The following DRC11 variants were observed in gnomAD, a reference collection of about 807,000 sequenced individuals.
DRC11 encodes IQ and AAA domain-containing protein 1.
the DRC11 span, among the ~76,000 whole-genome samples, chr2:236,364,333 G>A: frequency 4.9e-4 from 67 of 137,586 alleles, 2 homozygotes; most frequent in South Asian, 0.014. Context: ...TCTGCTTGTC[G>A]GCAGCAGCAT....
chr2:236,420,422 A>C, the DRC11 span, among the ~76,000 whole-genome samples: 51 of 152,360 alleles, frequency 3.3e-4, no homozygotes, highest in African/African-American at 1.1e-3. This position sits in a 1 kb window ranked among gnomAD's most constrained non-coding sequence, Gnocchi z 4.8. Flanking sequence ...ATGTAGTCCA[A>C]GTACAAAGGA....
chr2:236,309,803 C>A, the DRC11 span, among the ~76,000 whole-genome samples: 1 of 152,178 alleles, frequency 6.6e-6, no homozygotes, highest in Non-Finnish European at 1.5e-5. The surrounding 1 kb of genome is among the most constrained non-coding windows in gnomAD (Gnocchi z 5.7). Context: ...GGCAGGTGCC[C>A]GACGGTCCAC....
the DRC11 span, among the ~76,000 whole-genome samples, chr2:236,350,601 T>C: frequency 6.6e-6 from 1 of 152,300 alleles, no homozygotes; most frequent in South Asian, 2.1e-4. This position sits in a 1 kb window ranked among gnomAD's most constrained non-coding sequence, Gnocchi z 5.2. Context: ...GGATGAGTCA[T>C]GTGCTGGCTC....
At chr2:236,465,024 C>T in the DRC11 span, among the ~76,000 whole-genome samples, 1 of 152,136 alleles carries the variant, frequency 6.6e-6, no homozygotes, top group African/African-American at 2.4e-5. The surrounding 1 kb of genome is among the most constrained non-coding windows in gnomAD (Gnocchi z 6.2). Context: ...TATCCAGCCT[C>T]AGATATTTCT....
chr2:236,358,254 C>G, the DRC11 span, among the ~76,000 whole-genome samples: 3 of 126,236 alleles, frequency 2.4e-5, no homozygotes, highest in Non-Finnish European at 4.7e-5. Flanking sequence ...TAGATGTATA[C>G]TATATGAATA....
chr2:236,345,292 T>G, the DRC11 span, among the ~76,000 whole-genome samples: 1 of 152,116 alleles, frequency 6.6e-6, no homozygotes, highest in East Asian at 1.9e-4. Flanking sequence ...CCACGTCCCT[T>G]CCTTCACAGC....
At chr2:236,452,993 C>T in the DRC11 span, among the ~76,000 whole-genome samples, 2 of 152,168 alleles carry the variant, frequency 1.3e-5, no homozygotes, top group African/African-American at 4.8e-5. This position sits in a 1 kb window ranked among gnomAD's most constrained non-coding sequence, Gnocchi z 4.7. Flanking sequence ...AATGAATACC[C>T]AGAGAAGAAG....
chr2:236,499,626 C>T, the DRC11 span, among the ~76,000 whole-genome samples: 1 of 152,162 alleles, frequency 6.6e-6, no homozygotes, highest in Non-Finnish European at 1.5e-5. This position sits in a 1 kb window ranked among gnomAD's most constrained non-coding sequence, Gnocchi z 4.7. Context: ...ATGGGGGTTT[C>T]ACCACACTGG....
chr2:236,416,421 GC>G, the DRC11 span, among the ~76,000 whole-genome samples: 1 of 152,032 alleles, frequency 6.6e-6, no homozygotes, highest in South Asian at 2.1e-4. Context: ...GTGCTTGAGT[GC>G]CTTGGTCCTG....
At chr2:236,410,300 C>A in the DRC11 span, among the ~76,000 whole-genome samples, 1 of 151,800 alleles carries the variant, frequency 6.6e-6, no homozygotes, top group Non-Finnish European at 1.5e-5. Context: ...TGTTATTGGT[C>A]TATTCAGAGA....
chr2:236,501,654 A>G, the DRC11 span, among the ~76,000 whole-genome samples: 1 of 152,214 alleles, frequency 6.6e-6, no homozygotes, highest in Non-Finnish European at 1.5e-5. Flanking sequence ...GAGAAGGGAC[A>G]GTAAACCCAA....
chr2:236,357,697 C>T, the DRC11 span, among the ~76,000 whole-genome samples: 18 of 84,116 alleles, frequency 2.1e-4, no homozygotes, highest in South Asian at 4.1e-3. Context: ...ATGTAAATAT[C>T]TGATATGTAA....
chr2:236,395,474 C>T, the DRC11 span, among the ~76,000 whole-genome samples: 1 of 152,220 alleles, frequency 6.6e-6, no homozygotes, highest in African/African-American at 2.4e-5. Flanking sequence ...CTTTGCTCTG[C>T]ACTCCCTTAG....
At chr2:236,459,629 GTA>G in the DRC11 span, among the ~76,000 whole-genome samples, 5 of 91,962 alleles carry the variant, frequency 5.4e-5, no homozygotes, top group Admixed American at 1.0e-4. Context: ...ATATACATAC[GTA>G]TATACGTATA....
the DRC11 span, chr2:236,493,736 T>A: frequency 5.9e-5 from 90 of 1,533,096 alleles, no homozygotes; most frequent in Non-Finnish European, 2.6e-6. Flanking sequence ...ACACAGATTA[T>A]GGATTAATGT....
the DRC11 span, chr2:236,493,737 G>C: frequency 6.5e-7 from 1 of 1,536,758 alleles, no homozygotes; most frequent in South Asian, 1.2e-5. Flanking sequence ...CACAGATTAT[G>C]GATTAATGTT....
At chr2:236,363,350 G>C in the DRC11 span, among the ~76,000 whole-genome samples, 1 of 152,212 alleles carries the variant, frequency 6.6e-6, no homozygotes, top group East Asian at 1.9e-4. The surrounding 1 kb of genome is among the most constrained non-coding windows in gnomAD (Gnocchi z 5.6). Context: ...GTGCCTGCAG[G>C]CTTTTCCATC....
At chr2:236,416,768 T>TATATATATATATATATATATATATAA in the DRC11 span, among the ~76,000 whole-genome samples, 16 of 92,956 alleles carry the variant, frequency 1.7e-4, no homozygotes, top group Non-Finnish European at 3.3e-4. Flanking sequence ...TATATATATA[T>TATATATATATATATATATATATATAA]AAATAATTTT....
the DRC11 span, among the ~76,000 whole-genome samples, chr2:236,435,107 AG>A: frequency 1.3e-5 from 2 of 152,224 alleles, no homozygotes; most frequent in African/African-American, 4.8e-5. Context: ...CTTAACTCTG[AG>A]GGCTCTTGGA....
Sources: allele counts gnomAD v4.1 joint callset (sites outside exome capture counted in the v4.1 genomes callset), GRCh38; gene constraint gnomAD v4.1.1; non-coding constraint Gnocchi (gnomAD v3.1); transcripts MANE v1.5; gene names NCBI Gene and HGNC (gene_info 2026-07-23, HGNC 2026-07-21).